The following VDAC3 variants were observed in gnomAD, a reference collection of about 807,000 sequenced individuals.
VDAC3 encodes non-selective voltage-gated ion channel VDAC3.
In VDAC3, 7 loss-of-function variants were observed where a neutral mutation model predicts 33.9. The ratio of observed to expected loss-of-function variants is 0.21; its 90% confidence interval spans 0.12 to 0.39. The LOEUF (loss-of-function observed/expected upper bound fraction) is 0.39. Ranked by LOEUF, VDAC3 falls within the 10% of genes least tolerant of loss-of-function variation. VDAC3 has a pLI of 1.00. For synonymous variants in VDAC3, 100 were observed against 122.4 expected (o/e 0.82, Z 1.21); for missense variants, 261 against 334.5 (o/e 0.78, Z 1.71).
intron 4 of VDAC3, among the ~76,000 whole-genome samples, chr8:42,395,610 A>G (rs1425917279): frequency 6.6e-6 from 1 of 152,194 alleles, no homozygotes; most frequent in Non-Finnish European, 1.5e-5. Context: ...AGTTTTTTTT[A>G]TTGGAAGTAA....
Position 42,398,760 on chromosome 8 carries a change from G to A in VDAC3, c.166G>A (p.Gly56Ser). ...TTACACTGATACAGGGAAAGCATCA[G>A]GCAACCTAGAAACCAAATATAAGGT... ...HAYTDTGKAS[G>S]NLETKYKVCN... is the part of the protein sequence containing the mutation. Residue 56 changes from glycine to serine, a missense_variant, in exon 5 of 10, where the codon GGC becomes AGC. Physicochemically the swap from Gly to Ser is moderately conservative, Grantham distance 56. Transcript: ENST00000022615. The A allele has an allele frequency of 6.2e-7, 1 of 1,613,892 alleles. No homozygotes were observed. Among genetic ancestry groups the A allele is most frequent in the Non-Finnish European group, 8.5e-7 (1 of 1,179,988 alleles).
chr8:42,398,214 G>A (rs1206260895), intron 4 of VDAC3, among the ~76,000 whole-genome samples: 2 of 152,184 alleles, frequency 1.3e-5, no homozygotes, highest in African/African-American at 4.8e-5. Flanking sequence ...TGGTAAGAGA[G>A]TATATGGAAC....
chr8:42,404,783 G>T, intron 8 of VDAC3, 84 bp from the exon 9 acceptor site: 1 of 1,201,850 alleles, frequency 8.3e-7, no homozygotes, highest in South Asian at 1.4e-5. Flanking sequence ...TTTAGCATTG[G>T]AAACCTAATG....
At chr8:42,397,188 CTAGA>C (rs1802331569) in intron 4 of VDAC3, 1 of 152,924 alleles carries the variant, frequency 6.5e-6, no homozygotes, top group Non-Finnish European at 1.5e-5. Context: ...AAATAAAACA[CTAGA>C]TAGTTGGATC....
intron 6 of VDAC3, among the ~76,000 whole-genome samples, chr8:42,401,245 G>A (rs1386729434): frequency 6.6e-6 from 1 of 151,786 alleles, no homozygotes; most frequent in Non-Finnish European, 1.5e-5. Flanking sequence ...TCGCCAGGCT[G>A]GAGTACAGTG....
chr8:42,402,152 C>T, intron 7 of VDAC3, 137 bp downstream of exon 7: 2 of 969,440 alleles, frequency 2.1e-6, no homozygotes, highest in South Asian at 1.6e-5. Flanking sequence ...ATCCTCATAG[C>T]AAAACCTTGC....
rs1802326050 is a variant in VDAC3, at chr8:42,396,749, A to G, written c.117+1616A>G. The G allele has an allele frequency of 2.6e-5, 17 of 663,162 alleles. No homozygotes were observed. In the South Asian group the frequency reaches 2.8e-4, roughly 11 times the overall value. 41.1% of individuals were successfully genotyped at this position (663,162 alleles called of 1,614,324 possible). Reference sequence around the variant, plus strand: ...TTTTGGTTTCTGGTATTGATTTAGGATAAATTTCAATCATTGTTCCAAATT... The same window carrying G: ...TTTTGGTTTCTGGTATTGATTTAGGGTAAATTTCAATCATTGTTCCAAATT... On this transcript the variant is annotated intron_variant, in intron 4 of 9. Coordinates refer to ENST00000022615, the MANE Select transcript of VDAC3 (RefSeq NM_005662.7).
chr8:42,399,564 G>T, intron 5 of VDAC3, 87 bp from the exon 6 acceptor site: 3 of 1,245,638 alleles, frequency 2.4e-6, no homozygotes, highest in Admixed American at 2.4e-5. Context: ...TTTTGTTAAA[G>T]AACTCAGGAA....
In VDAC3 at chr8:42,395,078, G is replaced by A. The variant is rs1398552046; in HGVS notation, c.68-6G>A. ...TTACTGTGTTTTTGTGTGTGTGTGT[G>A]TATAGGCTTTGGCATGGTCAAGATA... On this transcript the variant is annotated splice_region_variant and splice_polypyrimidine_tract_variant and intron_variant, in intron 3 of 9. Transcript: ENST00000022615. The A allele has an allele frequency of 1.2e-6, 2 of 1,613,888 alleles. No individual in the cohort carries two copies. The highest frequency in any genetic ancestry group is 2.2e-5 in the East Asian group (1 of 44,848).
intron 3 of VDAC3, 36 bp from the exon 4 acceptor site, chr8:42,395,048 G>A: frequency 6.2e-7 from 1 of 1,612,650 alleles, no homozygotes; most frequent in Non-Finnish European, 8.5e-7. Context: ...GTCACATTTT[G>A]TACATTACTG....
At chr8:42,392,910 C>T (rs1484626378) in intron 1 of VDAC3, among the ~76,000 whole-genome samples, 1 of 152,024 alleles carries the variant, frequency 6.6e-6, no homozygotes, top group African/African-American at 2.4e-5. Context: ...TATCAAATTG[C>T]AATTGGGATA....
intron 6 of VDAC3, among the ~76,000 whole-genome samples, chr8:42,400,673 CTTTTTTT>C (rs1188886241): frequency 1.1e-4 from 8 of 72,308 alleles, no homozygotes; most frequent in South Asian, 1.0e-3. Context: ...ATATTCTTTT[CTTTTTTT>C]TTTTTTTTTT....
Position 42,405,517 on chromosome 8 carries a change from A to G in VDAC3, c.*55A>G, listed in dbSNP as rs1802483691. The G allele has an allele frequency of 6.8e-7, 1 of 1,462,594 alleles. No individual in the cohort carries two copies. The highest frequency in any genetic ancestry group is 1.4e-5 in the African/African-American group (1 of 71,226). 90.6% of individuals were successfully genotyped at this position (1,462,594 alleles called of 1,614,324 possible). A position where few individuals can be genotyped will look rare whatever the true frequency, so the allele number is the denominator to read the frequency against. ...CCTGGAAGTGAAGAGAAATGAACCC[A>G]CTATGTTTTGGCCTTAAAATTCTTC... On this transcript the variant is annotated 3_prime_UTR_variant, in exon 10 of 10. Transcript: ENST00000022615.
intron 8 of VDAC3, 56 bp downstream of exon 8, chr8:42,403,517 A>C: frequency 6.7e-7 from 1 of 1,489,980 alleles, no homozygotes. Flanking sequence ...AAGTTTTCAG[A>C]GAATGTTGTG....
intron 8 of VDAC3, among the ~76,000 whole-genome samples, chr8:42,404,361 T>C (rs1354737458): frequency 6.6e-6 from 1 of 152,104 alleles, no homozygotes; most frequent in Non-Finnish European, 1.5e-5. Context: ...GTTTAAAAAT[T>C]TTGCTTGAGG....
At chr8:42,405,335 T>A in intron 9 of VDAC3, 36 bp from the exon 10 acceptor site, 1 of 1,537,480 alleles carries the variant, frequency 6.5e-7, no homozygotes, top group Non-Finnish European at 9.0e-7. Context: ...ATTGTAATAC[T>A]TGTTTCAAGT....
intron 5 of VDAC3, 66 bp downstream of exon 5, chr8:42,398,930 C>A: frequency 5.1e-6 from 8 of 1,555,852 alleles, no homozygotes; most frequent in Non-Finnish European, 7.0e-6. Flanking sequence ...GATGAACATA[C>A]CCCAAATATA....
chr8:42,398,933 C>A (rs1585950394), intron 5 of VDAC3, 69 bp downstream of exon 5: 2 of 1,540,772 alleles, frequency 1.3e-6, no homozygotes, highest in African/African-American at 1.4e-5. Flanking sequence ...GAACATACCC[C>A]AAATATAATC....
Position 42,398,726 on chromosome 8 carries a change from T to C in VDAC3, c.132T>C (p.Ser44=), listed in dbSNP as rs1802361411. The C allele has an allele frequency of 6.2e-7, 1 of 1,601,940 alleles. No homozygotes were observed. Among genetic ancestry groups the C allele is most frequent in the Admixed American group, 1.8e-5 (1 of 56,188 alleles). ...TTGCTTACCAGGAATTTTCTACTTC[T>C]GGTCATGCTTACACTGATACAGGGA... ...KSCSGVEFST[S]GHAYTDTGKA... The change falls in exon 5 of 10, where the codon TCT becomes TCC. Residue 44 remains serine, a synonymous_variant. Coordinates refer to ENST00000022615, the MANE Select transcript of VDAC3 (RefSeq NM_005662.7).
Sources: gnomAD v4.1 joint callset for allele counts (sites outside exome capture counted in the v4.1 genomes callset) on GRCh38, gnomAD v4.1.1 for gene constraint, MANE v1.5 for transcripts, NCBI Gene and HGNC (gene_info 2026-07-23, HGNC 2026-07-21) for gene names.